Variants in CELF2 observed in about 807,000 individuals in gnomAD.
CELF2 encodes the protein CUGBP Elav-like family member 2.
Under a neutral mutation model 62.6 loss-of-function variants are expected in CELF2, and 8 were observed. That is an observed-to-expected ratio of 0.13 (90% CI 0.07 to 0.23). The LOEUF is 0.23. Ranked by LOEUF, CELF2 falls within the 10% of genes least tolerant of loss-of-function variation. The pLI is 1.00. For missense variants in CELF2, 333 were observed against 671.0 expected (o/e 0.50, Z 5.56); for synonymous variants, 258 against 250.0 (o/e 1.03, Z -0.30).
chr10:10,747,205 A>C, the CELF2 span, among the ~76,000 whole-genome samples: 1 of 152,202 alleles, frequency 6.6e-6, no homozygotes, highest in East Asian at 1.9e-4. Context: ...GCTGTTCTAA[A>C]GAAATCATCC....
At chr10:10,728,560 G>A in the CELF2 span, among the ~76,000 whole-genome samples, 1 of 152,130 alleles carries the variant, frequency 6.6e-6, no homozygotes, top group East Asian at 1.9e-4. Context: ...AGCTGCTCTG[G>A]AGGTTCTCAG....
chr10:11,145,284 T>C lies in CELF2; in HGVS notation c.75-20202T>C, dbSNP rs1372705804. Among the ~76,000 whole-genome samples the C allele has an allele frequency of 4.6e-5, 7 of 152,246 alleles. No individual in the cohort carries two copies. In the East Asian group the frequency reaches 7.7e-4, roughly 17 times the overall value. On this transcript the variant is annotated intron_variant, in intron 1 of 12. Coordinates refer to ENST00000633077, the MANE Select transcript of CELF2 (RefSeq NM_001326342.2). This position sits in a 1 kb window ranked among gnomAD's most constrained non-coding sequence, Gnocchi z 4.3. ...TATAAGTGAGTCTCAGGCATCTGTGTGGCACAGATACTTTTATGTGTTGTT... is the reference window on the plus strand; with the variant it reads ...TATAAGTGAGTCTCAGGCATCTGTGCGGCACAGATACTTTTATGTGTTGTT...
At chr10:10,952,006 C>T (rs755522730) in intron 2 of CELF2, 1 of 152,316 alleles carries the variant, frequency 6.6e-6, no homozygotes, top group Non-Finnish European at 1.5e-5. Flanking sequence ...ACACCTTGGA[C>T]TCTATGATCC....
intron 3 of CELF2, among the ~76,000 whole-genome samples, chr10:11,248,279 C>G (rs773559865): frequency 6.6e-6 from 1 of 152,136 alleles, no homozygotes; most frequent in Non-Finnish European, 1.5e-5. Flanking sequence ...CTCTGCGGAC[C>G]AGGCACCGGG....
chr10:10,926,617 C>T (rs1165422253), intron 2 of CELF2, among the ~76,000 whole-genome samples: 1 of 152,186 alleles, frequency 6.6e-6, no homozygotes, highest in Non-Finnish European at 1.5e-5. Context: ...CCAGCCGTCA[C>T]GTGGGGACCA....
rs1047865346 is a variant in CELF2 at position 11,009,014 on chromosome 10, G to C, written c.53+3574G>C. On this transcript the variant is annotated intron_variant, in intron 1 of 12. Coordinates refer to the CELF2 transcript ENST00000416382. ...ATTCCTGGGGAATTTGCGGGGGGGGGGGGGGAGCATTCCTGATTCATAAAA... is the reference window on the plus strand; with the variant it reads ...ATTCCTGGGGAATTTGCGGGGGGGGCGGGGGAGCATTCCTGATTCATAAAA... 1.2e-4 allele frequency among the ~76,000 whole-genome samples: 17 copies of C among 142,262 alleles called. 3 individuals carry two copies. In the East Asian group the frequency reaches 2.8e-3, roughly 23 times the overall value. The allele number at this position is 142,262 out of a possible 152,430, so 93.3% of individuals were successfully genotyped here.
the CELF2 span, among the ~76,000 whole-genome samples, chr10:10,612,168 G>T: frequency 6.6e-6 from 1 of 152,114 alleles, no homozygotes. Context: ...TATTTCCACT[G>T]GGTGGGGGAA....
chr10:10,734,533 C>T, the CELF2 span, among the ~76,000 whole-genome samples: 1 of 152,156 alleles, frequency 6.6e-6, no homozygotes, highest in Non-Finnish European at 1.5e-5. Flanking sequence ...GCCTGGATGT[C>T]CTCTGTAACC....
Position 11,012,029 on chromosome 10 carries a change from A to G in CELF2, c.53+6589A>G, listed in dbSNP as rs2056548060. Among the ~76,000 whole-genome samples, 1 of 152,174 alleles carries G rather than the reference A, an allele frequency of 6.6e-6. No homozygotes were observed. Among genetic ancestry groups the G allele is most frequent in the South Asian group, 2.1e-4 (1 of 4,828 alleles). On this transcript the variant is annotated intron_variant, in intron 1 of 12. Transcript: ENST00000416382. The surrounding 1 kb of genome is among the most constrained non-coding windows in gnomAD (Gnocchi z 5.5). ...TATCTGAGGATCATGGTAGGCTTTG[A>G]TTTTTCAGCCATTCATCTCTATTAG...
In CELF2 at chr10:10,928,857, C is replaced by T. The variant is rs193116167; in HGVS notation, c.89+8858C>T. On this transcript the variant is annotated intron_variant, in intron 2 of 13. Coordinates refer to the CELF2 transcript ENST00000636488. The surrounding 1 kb of genome is among the most constrained non-coding windows in gnomAD (Gnocchi z 4.8). ...CCTATTACTATTTGTTGTTTGTCCC[C>T]AGTGCCTAGCAGTGCCTGGAACATA... Among the ~76,000 whole-genome samples, 43 of 152,314 alleles carry T rather than the reference C, an allele frequency of 2.8e-4. No individual in the cohort carries two copies. The highest frequency in any genetic ancestry group is 2.3e-3 in the East Asian group (12 of 5,190).
chr10:11,030,103 A>G (rs923527988), intron 1 of CELF2, among the ~76,000 whole-genome samples: 2 of 152,222 alleles, frequency 1.3e-5, no homozygotes, highest in African/African-American at 4.8e-5. Context: ...CTTGCCAATC[A>G]TACGCTGCTT....
At chr10:10,497,347 T>G in the CELF2 span, among the ~76,000 whole-genome samples, 1 of 152,126 alleles carries the variant, frequency 6.6e-6, no homozygotes, top group African/African-American at 2.4e-5. Flanking sequence ...GAGAGAATCA[T>G]GCATTCAGTT....
At chr10:11,250,744 G>T (rs1278071236) in intron 4 of CELF2, among the ~76,000 whole-genome samples, 2 of 152,226 alleles carry the variant, frequency 1.3e-5, no homozygotes, top group African/African-American at 4.8e-5. Flanking sequence ...AAATGGAATT[G>T]ATGGTAACTG....
chr10:10,542,044 G>T, the CELF2 span, among the ~76,000 whole-genome samples: 3 of 152,188 alleles, frequency 2.0e-5, no homozygotes, highest in African/African-American at 4.8e-5. Context: ...GACAGAATTT[G>T]CATCTTAATA....
the CELF2 span, among the ~76,000 whole-genome samples, chr10:10,634,168 C>G: frequency 6.6e-6 from 1 of 152,050 alleles, no homozygotes; most frequent in South Asian, 2.1e-4. Flanking sequence ...CTATATGATG[C>G]TATGTTTTTC....
At chr10:10,564,181 T>C in the CELF2 span, among the ~76,000 whole-genome samples, 1 of 152,188 alleles carries the variant, frequency 6.6e-6, no homozygotes, top group Non-Finnish European at 1.5e-5. Flanking sequence ...CTTGAAGACC[T>C]ACTTAGGTTC....
intron 1 of CELF2, among the ~76,000 whole-genome samples, chr10:10,872,881 A>T (rs575680217): frequency 9.2e-5 from 14 of 152,132 alleles, no homozygotes; most frequent in Admixed American, 2.6e-4. Flanking sequence ...GGGAAAGGAC[A>T]CATGTGGTGA....
intron 2 of CELF2, among the ~76,000 whole-genome samples, chr10:10,939,340 G>T (rs2046788230): frequency 6.6e-6 from 1 of 152,086 alleles, no homozygotes; most frequent in Admixed American, 6.5e-5. Context: ...AGGCTGGAAT[G>T]CAGTGGTGTG....
rs530569280 is a variant in CELF2 at position 11,281,231 on chromosome 10, T to C, written c.841+6111T>C. Among the ~76,000 whole-genome samples the C allele has an allele frequency of 3.9e-5, 6 of 152,238 alleles. No homozygotes were observed. The South Asian group carries it at 8.3e-4, about 21-fold the overall frequency. ...GAGCTGTCACCAAACACATTTTGCA[T>C]GCACATCACACACATACTTTTTCAT... On this transcript the variant is annotated intron_variant, in intron 8 of 12. Transcript: ENST00000633077.
Sources: allele counts gnomAD v4.1 joint callset (sites outside exome capture counted in the v4.1 genomes callset), GRCh38; gene constraint gnomAD v4.1.1; non-coding constraint Gnocchi (gnomAD v3.1); transcripts MANE v1.5; gene names NCBI Gene and HGNC (gene_info 2026-07-23, HGNC 2026-07-21).